Variants in ARMH3 observed in about 807,000 individuals in gnomAD.
ARMH3 encodes armadillo-like helical domain-containing protein 3.
Under a neutral mutation model 99.1 loss-of-function variants are expected in ARMH3, and 60 were observed. The observed-to-expected ratio is 0.61, with a 90% CI of 0.49 to 0.75. ARMH3 has a LOEUF of 0.75. Ranked by LOEUF, ARMH3 falls within the 30% of genes least tolerant of loss-of-function variation. The pLI, the probability that ARMH3 is intolerant of heterozygous loss-of-function variation, is 0.00. For missense variants in ARMH3, 679 were observed against 843.1 expected, an observed-to-expected ratio of 0.81 and a Z score of 2.41; for synonymous variants, 285 against 292.8, an observed-to-expected ratio of 0.97 and a Z score of 0.27.
At chr10:102,002,709 C>A (rs2066390467) in intron 14 of ARMH3, among the ~76,000 whole-genome samples, 1 of 151,968 alleles carries the variant, frequency 6.6e-6, no homozygotes. Flanking sequence ...GCCTGTAATC[C>A]CAGCACTTTG....
intron 23 of ARMH3, among the ~76,000 whole-genome samples, chr10:101,931,072 G>C (rs935222016): frequency 6.6e-6 from 1 of 152,138 alleles, no homozygotes; most frequent in African/African-American, 2.4e-5. Flanking sequence ...ACTACATTAT[G>C]CTATCTCTTA....
At chr10:101,952,257 G>A (rs1237081813) in intron 22 of ARMH3, among the ~76,000 whole-genome samples, 1 of 152,144 alleles carries the variant, frequency 6.6e-6, no homozygotes, top group East Asian at 1.9e-4. Flanking sequence ...TGATAAGTCA[G>A]GGTACTTGGA....
chr10:102,029,891 T>C (rs2067086421), intron 4 of ARMH3, 146 bp from the exon 5 acceptor site: 2 of 870,776 alleles, frequency 2.3e-6, no homozygotes, highest in Admixed American at 3.0e-5. Flanking sequence ...TGAGTTTTTT[T>C]GGTTTTTTCC....
intron 2 of ARMH3, among the ~76,000 whole-genome samples, chr10:102,038,347 G>A (rs1426182307): frequency 3.3e-5 from 5 of 151,918 alleles, no homozygotes; most frequent in Admixed American, 1.3e-4. Context: ...GCCCACCTCG[G>A]CCTCCCAAAG....
chr10:102,017,413 T>G (rs1213920078), intron 8 of ARMH3, among the ~76,000 whole-genome samples: 1 of 152,190 alleles, frequency 6.6e-6, no homozygotes, highest in Non-Finnish European at 1.5e-5. Context: ...TCCAGTTCCT[T>G]GGCCATGTCC....
chr10:102,018,046 C>T (rs2066788517), intron 8 of ARMH3, among the ~76,000 whole-genome samples: 2 of 152,130 alleles, frequency 1.3e-5, no homozygotes, highest in African/African-American at 4.8e-5. Flanking sequence ...TCTCACAGTA[C>T]TGCTATTTAT....
rs1846999771 is a variant in ARMH3, at chr10:101,995,208, G to A, written c.1209+89C>T. On this transcript the variant is annotated intron_variant, in intron 16 of 25. Transcript: ENST00000370033. ...TCTCCTAAACTTTAGGACCCTAAAT[G>A]TCATGAGACAGTAATGGGGTGAGGG... 3.5e-6 allele frequency: 4 copies of A among 1,128,914 alleles called. No individual in the cohort carries two copies. In the East Asian group the frequency reaches 9.4e-5, roughly 27 times the overall value. 69.9% of individuals were successfully genotyped at this position (1,128,914 alleles called of 1,614,324 possible).
intron 24 of ARMH3, among the ~76,000 whole-genome samples, chr10:101,884,268 A>G (rs2067488475): frequency 6.6e-6 from 1 of 152,204 alleles, no homozygotes; most frequent in Admixed American, 6.5e-5. Context: ...TATGCATTCT[A>G]AATCTTCCAG....
rs988397137 is a variant in ARMH3, at chr10:101,909,726, C to T, written c.1782-20236G>A. On this transcript the variant is annotated intron_variant, in intron 23 of 25. Transcript: ENST00000370033. ...CCTCCTGCCTTGCCCTTCCAAAGTGCTGGGATTACAGGAGTGAGCCACTAT... is the reference window on the plus strand; with the variant it reads ...CCTCCTGCCTTGCCCTTCCAAAGTGTTGGGATTACAGGAGTGAGCCACTAT... Among the ~76,000 whole-genome samples, 7 of 152,152 alleles carry T rather than the reference C, an allele frequency of 4.6e-5. No individual in the cohort carries two copies. In the East Asian group the frequency reaches 1.4e-3, roughly 29 times the overall value.
chr10:101,952,379 A>G (rs548029930), intron 22 of ARMH3, among the ~76,000 whole-genome samples: 1 of 152,336 alleles, frequency 6.6e-6, no homozygotes, highest in African/African-American at 2.4e-5. Flanking sequence ...ATAAAAAACA[A>G]GGAAACACAA....
At chr10:101,893,306 T>G (rs2067737669) in intron 23 of ARMH3, among the ~76,000 whole-genome samples, 1 of 152,264 alleles carries the variant, frequency 6.6e-6, no homozygotes, top group South Asian at 2.1e-4. Context: ...TTTTGCACTC[T>G]GTAAATGCAT....
Position 101,990,568 on chromosome 10 carries a change from A to C in ARMH3, c.1389T>G (p.Phe463Leu). 6.2e-7 allele frequency: 1 copy of C among 1,600,070 alleles called. No individual in the cohort carries two copies. The highest frequency in any genetic ancestry group is 1.7e-5 in the Admixed American group (1 of 59,948). Residue 463 changes from phenylalanine (F) to leucine (L), a missense_variant, in exon 19 of 26, where the codon TTT (phenylalanine) becomes TTG (leucine). Physicochemically the swap from Phe to Leu is conservative, Grantham distance 22. Around this residue, in one of 3 missense-constraint regions of ARMH3, gnomAD observed 389 missense variants for 456.5 expected, o/e 0.85. Transcript: ENST00000370033. ...GTACTTACATATAGAGATCCATAGG[A>C]AACTCCTTCATCATGTGTGTTACAA... The part of the protein sequence containing the change: ...EFIVTHMMKE[F>L]PMDLYIRCIQ...
At chr10:102,033,722 A>C (rs2067188240) in intron 2 of ARMH3, among the ~76,000 whole-genome samples, 1 of 152,214 alleles carries the variant, frequency 6.6e-6, no homozygotes, top group East Asian at 1.9e-4. Flanking sequence ...CCGGCCCCTT[A>C]GTTTTCAAAA....
At chr10:102,007,237 C>T (rs895184941) in intron 13 of ARMH3, among the ~76,000 whole-genome samples, 31 of 146,298 alleles carry the variant, frequency 2.1e-4, no homozygotes, top group Non-Finnish European at 7.5e-5. Context: ...TACTTGATTA[C>T]GACTGATGCT....
Position 102,025,006 on chromosome 10 carries a change from T to C in ARMH3, c.507+150A>G. On this transcript the variant is annotated intron_variant, in intron 6 of 25. Coordinates refer to ENST00000370033, the MANE Select transcript of ARMH3 (RefSeq NM_024541.3). Reference sequence around the variant, plus strand: ...AAGAGGAAGCAAAAGACCATGCAGCTAACTTCCTATACATCCAGACACGAG... The same window carrying C: ...AAGAGGAAGCAAAAGACCATGCAGCCAACTTCCTATACATCCAGACACGAG... 4 of 653,054 alleles carry C rather than the reference T, an allele frequency of 6.1e-6. No individual in the cohort carries two copies. In the South Asian group the frequency reaches 8.2e-5, roughly 13 times the overall value. 40.5% of individuals were successfully genotyped at this position (653,054 alleles called of 1,614,324 possible). A position where few individuals can be genotyped will look rare whatever the true frequency, so the allele number is the denominator to read the frequency against.
chr10:101,959,506 G>C (rs576916805), intron 20 of ARMH3, among the ~76,000 whole-genome samples: 1 of 152,170 alleles, frequency 6.6e-6, no homozygotes, highest in Non-Finnish European at 1.5e-5. Flanking sequence ...AAGGGCTTTT[G>C]TCCCCAGGAC....
chr10:101,904,750 G>A (rs1403313842), intron 23 of ARMH3, among the ~76,000 whole-genome samples: 2 of 151,908 alleles, frequency 1.3e-5, no homozygotes, highest in Admixed American at 6.6e-5. Flanking sequence ...TCGGGAGATT[G>A]AGACCAGCCT....
intron 24 of ARMH3, among the ~76,000 whole-genome samples, chr10:101,866,400 C>T (rs1589931048): frequency 6.7e-6 from 1 of 150,110 alleles, no homozygotes. Flanking sequence ...GGCTGAATTG[C>T]TTGATATGTA....
At chr10:101,977,094 A>G (rs1846047492) in intron 19 of ARMH3, among the ~76,000 whole-genome samples, 2 of 152,228 alleles carry the variant, frequency 1.3e-5, no homozygotes, top group Non-Finnish European at 2.9e-5. Context: ...AGTGCTCAAT[A>G]GCTACATGTG....
Sources: allele counts gnomAD v4.1 joint callset (sites outside exome capture counted in the v4.1 genomes callset), GRCh38; gene constraint gnomAD v4.1.1; regional missense constraint gnomAD v4.1.1; transcripts MANE v1.5; gene names NCBI Gene and HGNC (gene_info 2026-07-23, HGNC 2026-07-21).